The following TMEM117 variants were observed in gnomAD, a reference collection of about 807,000 sequenced individuals.
TMEM117 encodes transmembrane protein 117.
Under a neutral mutation model 52.4 loss-of-function variants are expected in TMEM117, and 27 were observed. That is an observed-to-expected ratio of 0.51 (90% CI 0.38 to 0.71). The LOEUF (loss-of-function observed/expected upper bound fraction) is 0.71. Ranked by LOEUF, TMEM117 falls within the 30% of genes least tolerant of loss-of-function variation. The pLI is 0.00. For synonymous variants in TMEM117, 215 were observed against 206.3 expected (o/e 1.04, Z -0.36); for missense variants, 556 against 630.5 (o/e 0.88, Z 1.26).
chr12:44,157,416 A>G (rs1320941594), intron 4 of TMEM117, among the ~76,000 whole-genome samples: 1 of 152,194 alleles, frequency 6.6e-6, no homozygotes, highest in Non-Finnish European at 1.5e-5. Context: ...TTCATACATT[A>G]GAACATCTTA....
intron 3 of TMEM117, among the ~76,000 whole-genome samples, chr12:44,066,596 T>C (rs1947224971): frequency 6.6e-6 from 1 of 152,206 alleles, no homozygotes; most frequent in Admixed American, 6.5e-5. Flanking sequence ...TATACTGTAG[T>C]CTAGTTAGTG....
At chr12:44,013,802 T>C (rs112030778) in intron 3 of TMEM117, among the ~76,000 whole-genome samples, 2,470 of 152,302 alleles carry the variant, frequency 0.016, 79 homozygotes, top group African/African-American at 0.056. Flanking sequence ...TGTGATTCTC[T>C]GTATTTGCCT....
At chr12:43,865,619 C>A (rs540215029) in intron 2 of TMEM117, among the ~76,000 whole-genome samples, 25 of 151,922 alleles carry the variant, frequency 1.6e-4, no homozygotes, top group African/African-American at 5.6e-4. Context: ...GATGCTTGAA[C>A]CTGGGAGGTG....
Position 43,904,944 on chromosome 12 carries a change from G to A in TMEM117, c.278-39266G>A, listed in dbSNP as rs12579894. Among the ~76,000 whole-genome samples, 1,362 of 152,230 alleles carry A rather than the reference G, an allele frequency of 8.9e-3. 65 individuals carry two copies. In the East Asian group the frequency reaches 0.16, roughly 18 times the overall value. On this transcript the variant is annotated intron_variant, in intron 2 of 7. Transcript: ENST00000266534. Reference sequence around the variant, plus strand: ...AGATCACCTGAGGTCGGGAGTTCGAGACCAGCCTAACCAACAAGGAGAAAC... The same window carrying A: ...AGATCACCTGAGGTCGGGAGTTCGAAACCAGCCTAACCAACAAGGAGAAAC...
chr12:43,843,027 C>G lies in TMEM117; in HGVS notation c.-28-1597C>G, dbSNP rs561313968. Among the ~76,000 whole-genome samples, 36 of 152,208 alleles carry G rather than the reference C, an allele frequency of 2.4e-4. No individual in the cohort carries two copies. In the South Asian group the frequency reaches 6.9e-3, roughly 29 times the overall value. On this transcript the variant is annotated intron_variant, in intron 1 of 7. Transcript: ENST00000266534. ...ACAAAATCTGTGTCAGCCCCAATTT[C>G]CACCCTGTAAAATGAAGTGACAGGA... is the stretch of plus-strand genomic sequence containing the variant.
At chr12:44,172,595 C>T (rs536863683) in intron 4 of TMEM117, among the ~76,000 whole-genome samples, 20 of 152,300 alleles carry the variant, frequency 1.3e-4, no homozygotes, top group Non-Finnish European at 2.1e-4. Flanking sequence ...CAAATAAGGT[C>T]ACATTCTCTG....
rs1946626004 is a variant in TMEM117 at position 44,031,073 on chromosome 12, T to C, written c.410+86731T>C. On this transcript the variant is annotated intron_variant, in intron 3 of 7. Transcript: ENST00000266534. ...CTATAAGGTTTTATTAAGAATTGGGTTTGACATCAATAATGCACTAATGCA... is the reference window on the plus strand; with the variant it reads ...CTATAAGGTTTTATTAAGAATTGGGCTTGACATCAATAATGCACTAATGCA... 3.9e-5 allele frequency among the ~76,000 whole-genome samples: 6 copies of C among 152,310 alleles called. No individual in the cohort carries two copies. The South Asian group carries it at 1.2e-3, about 32-fold the overall frequency.
intron 3 of TMEM117, among the ~76,000 whole-genome samples, chr12:44,003,809 A>G (rs1345275473): frequency 6.6e-6 from 1 of 152,144 alleles, no homozygotes; most frequent in African/African-American, 2.4e-5. Context: ...CTTACTGCCC[A>G]TGTCTCCATG....
intron 3 of TMEM117, among the ~76,000 whole-genome samples, chr12:44,100,777 A>G (rs189729892): frequency 6.6e-6 from 1 of 152,028 alleles, no homozygotes; most frequent in East Asian, 1.9e-4. Flanking sequence ...GTGCTTAATA[A>G]AAGTACTCAC....
chr12:43,898,186 T>G (rs1944242950), intron 2 of TMEM117, among the ~76,000 whole-genome samples: 1 of 152,046 alleles, frequency 6.6e-6, no homozygotes, highest in South Asian at 2.1e-4. Flanking sequence ...AGTTTGTAGA[T>G]TTGGGATGAT....
At chr12:43,949,250 G>C (rs907069150) in intron 3 of TMEM117, among the ~76,000 whole-genome samples, 2 of 152,194 alleles carry the variant, frequency 1.3e-5, no homozygotes, top group Admixed American at 1.3e-4. Flanking sequence ...AGTACACTTG[G>C]AAGAGGGCCA....
chr12:43,809,950 A>G, the TMEM117 span, among the ~76,000 whole-genome samples: 1 of 152,252 alleles, frequency 6.6e-6, no homozygotes, highest in African/African-American at 2.4e-5. Context: ...TTGAGAAAAC[A>G]GAACAGAGAG....
intron 6 of TMEM117, among the ~76,000 whole-genome samples, chr12:44,332,877 A>G (rs1951291369): frequency 6.6e-6 from 1 of 152,028 alleles, no homozygotes; most frequent in Non-Finnish European, 1.5e-5. Flanking sequence ...AGCTTTAATT[A>G]ATATAAAGGA....
intron 3 of TMEM117, among the ~76,000 whole-genome samples, chr12:44,095,774 A>G (rs935629977): frequency 6.6e-6 from 1 of 152,298 alleles, no homozygotes; most frequent in African/African-American, 2.4e-5. Flanking sequence ...TGAATGGGCA[A>G]AAACTGGAAG....
chr12:44,152,768 T>G (rs1319911077), intron 4 of TMEM117, among the ~76,000 whole-genome samples: 2 of 140,482 alleles, frequency 1.4e-5, no homozygotes, highest in African/African-American at 2.6e-5. Flanking sequence ...GTATATAATA[T>G]AAATATAAAT....
intron 3 of TMEM117, among the ~76,000 whole-genome samples, chr12:44,047,204 G>A (rs1946894248): frequency 6.6e-6 from 1 of 152,042 alleles, no homozygotes; most frequent in African/African-American, 2.4e-5. Flanking sequence ...TTAGATATCT[G>A]CTAAATGCAG....
At position 44,304,560 on chromosome 12, in the gene TMEM117, A is replaced by G. The variant is rs560764807; in HGVS notation, c.768+4821A>G. Among the ~76,000 whole-genome samples the G allele has an allele frequency of 2.0e-5, 3 of 152,012 alleles. No individual in the cohort carries two copies. The East Asian group carries it at 5.8e-4, about 30-fold the overall frequency. ...AGTGCAGCTCACAGCTCCAGGACAG[A>G]CTCCTTTCCTCTGCTTCAGGAGAGG... On this transcript the variant is annotated intron_variant, in intron 6 of 7. Coordinates refer to ENST00000266534, the MANE Select transcript of TMEM117 (RefSeq NM_032256.3).
intron 2 of TMEM117, among the ~76,000 whole-genome samples, chr12:43,895,093 A>C (rs1330750627): frequency 6.6e-6 from 1 of 152,144 alleles, no homozygotes; most frequent in Non-Finnish European, 1.5e-5. Context: ...TTCATCACCC[A>C]TTATTAAGCC....
At chr12:44,258,115 A>G (rs1026033809) in intron 5 of TMEM117, among the ~76,000 whole-genome samples, 5 of 152,074 alleles carry the variant, frequency 3.3e-5, no homozygotes, top group Non-Finnish European at 5.9e-5. Flanking sequence ...ATCTTGGCTT[A>G]GCTTTGAATT....
Sources: allele counts gnomAD v4.1 joint callset (sites outside exome capture counted in the v4.1 genomes callset), GRCh38; gene constraint gnomAD v4.1.1; transcripts MANE v1.5; gene names NCBI Gene and HGNC (gene_info 2026-07-23, HGNC 2026-07-21).